SLC1A1: variants seen among roughly 807,000 people sequenced by gnomAD.
SLC1A1 encodes the protein solute carrier family 1 member 1.
SLC1A1 carries 43 observed loss-of-function variants against 53.3 expected under a neutral mutation model. The ratio of observed to expected loss-of-function variants is 0.81; its 90% CI spans 0.63 to 1.04. The LOEUF (loss-of-function observed/expected upper bound fraction) is 1.04, where lower values mean the gene tolerates loss of function less well. SLC1A1 is among the 50% of genes least tolerant of loss of function. SLC1A1 has a pLI of 0.00. For synonymous variants in SLC1A1, 307 were observed against 243.2 expected, an observed-to-expected ratio of 1.26 and a Z score of -2.44; for missense variants, 748 against 664.9, an observed-to-expected ratio of 1.12 and a Z score of -1.37.
chr9:4,516,690 G>A (rs1226404690), intron 1 of SLC1A1, among the ~76,000 whole-genome samples: 2 of 152,150 alleles, frequency 1.3e-5, no homozygotes, highest in East Asian at 3.8e-4. Context: ...AATCTAGGCT[G>A]GCTTTTACAC....
At chr9:4,577,909 G>A (rs1384699063) in intron 10 of SLC1A1, among the ~76,000 whole-genome samples, 1 of 152,200 alleles carries the variant, frequency 6.6e-6, no homozygotes, top group Non-Finnish European at 1.5e-5. Flanking sequence ...CACTGAGGTT[G>A]GAGAAGAGCT....
chr9:4,565,028 T>C (rs1262548252), intron 4 of SLC1A1, among the ~76,000 whole-genome samples: 1 of 152,218 alleles, frequency 6.6e-6, no homozygotes, highest in African/African-American at 2.4e-5. Context: ...AAATATATCA[T>C]CTGCAATTTC....
chr9:4,540,278 GT>G (rs1816895158), intron 1 of SLC1A1, among the ~76,000 whole-genome samples: 1 of 152,050 alleles, frequency 6.6e-6, no homozygotes, highest in Admixed American at 6.6e-5. Flanking sequence ...TGAAAGCCAT[GT>G]TCATCAGCAA....
intron 2 of SLC1A1, among the ~76,000 whole-genome samples, chr9:4,548,956 G>A (rs763870204): frequency 5.9e-5 from 9 of 152,182 alleles, no homozygotes; most frequent in Non-Finnish European, 8.8e-5. Context: ...CTTGTAAGCC[G>A]TATTTATGTC....
chr9:4,499,597 A>C (rs1359699559), intron 1 of SLC1A1, among the ~76,000 whole-genome samples: 1 of 152,176 alleles, frequency 6.6e-6, no homozygotes, highest in Non-Finnish European at 1.5e-5. Flanking sequence ...CAACAAAATG[A>C]TCTAAACACA....
At chr9:4,513,926 A>C (rs1455599552) in intron 1 of SLC1A1, among the ~76,000 whole-genome samples, 2 of 152,192 alleles carry the variant, frequency 1.3e-5, no homozygotes, top group Non-Finnish European at 2.9e-5. Flanking sequence ...TAGTCAGTGA[A>C]AAAACCAGTC....
intron 6 of SLC1A1, among the ~76,000 whole-genome samples, chr9:4,568,695 C>CA (rs57351478): frequency 0.01 from 1,074 of 102,698 alleles, 4 homozygotes; most frequent in Middle Eastern, 0.021. Flanking sequence ...ACTCTTGTTT[C>CA]AAAAAAAAAA....
intron 1 of SLC1A1, among the ~76,000 whole-genome samples, chr9:4,537,931 C>A (rs991815107): frequency 1.3e-5 from 2 of 149,676 alleles, no homozygotes; most frequent in Non-Finnish European, 3.0e-5. Context: ...AATTTGATCT[C>A]AAAAAAAATT....
chr9:4,574,435 C>T (rs928887821), intron 8 of SLC1A1, among the ~76,000 whole-genome samples: 10 of 152,114 alleles, frequency 6.6e-5, no homozygotes, highest in African/African-American at 2.4e-4. Context: ...CAGACTTGAG[C>T]AAGTAGGAGC....
intron 3 of SLC1A1, among the ~76,000 whole-genome samples, chr9:4,564,098 C>T (rs888461462): frequency 2.6e-5 from 4 of 152,042 alleles, no homozygotes; most frequent in African/African-American, 7.2e-5. Flanking sequence ...CACACATACA[C>T]ACACACACAG....
chr9:4,530,561 G>A (rs1397777308), intron 1 of SLC1A1, among the ~76,000 whole-genome samples: 1 of 152,136 alleles, frequency 6.6e-6, no homozygotes, highest in African/African-American at 2.4e-5. Context: ...CTTTTCTTCT[G>A]AGTCAGACCG....
intron 1 of SLC1A1, among the ~76,000 whole-genome samples, chr9:4,540,759 CG>C (rs1564018581): frequency 6.6e-6 from 1 of 152,192 alleles, no homozygotes; most frequent in African/African-American, 2.4e-5. Flanking sequence ...CCACCTGCAA[CG>C]GTGTCAGGGA....
chr9:4,579,802 A>G (rs1820887674), intron 10 of SLC1A1, among the ~76,000 whole-genome samples: 1 of 152,260 alleles, frequency 6.6e-6, no homozygotes, highest in South Asian at 2.1e-4. Context: ...TCAAAGAAAC[A>G]TAGGTACCAT....
chr9:4,524,548 C>A (rs1280433132), intron 1 of SLC1A1, among the ~76,000 whole-genome samples: 1 of 152,070 alleles, frequency 6.6e-6, no homozygotes, highest in Non-Finnish European at 1.5e-5. Context: ...AATAGAAGAC[C>A]TGAGACTGGG....
At chr9:4,572,973 C>A (rs761335905) in intron 7 of SLC1A1, among the ~76,000 whole-genome samples, 1 of 152,176 alleles carries the variant, frequency 6.6e-6, no homozygotes, top group African/African-American at 2.4e-5. Context: ...AACCAGCCTT[C>A]GTGTAAGAAG....
chr9:4,560,522 G>C (rs2129660175), intron 2 of SLC1A1, among the ~76,000 whole-genome samples: 1 of 152,266 alleles, frequency 6.6e-6, no homozygotes, highest in South Asian at 2.1e-4. Flanking sequence ...TGGTTGATGA[G>C]ATGATGTGAT....
At chr9:4,573,649 A>G (rs1434623115) in intron 7 of SLC1A1, among the ~76,000 whole-genome samples, 2 of 152,100 alleles carry the variant, frequency 1.3e-5, no homozygotes, top group Non-Finnish European at 2.9e-5. Flanking sequence ...ATCTAACCAC[A>G]TGTTCTTGCC....
chr9:4,572,431 T>C (rs370942183), intron 7 of SLC1A1, 43 bp downstream of exon 7: 33 of 1,513,078 alleles, frequency 2.2e-5, no homozygotes, highest in Non-Finnish European at 2.8e-5. Context: ...CCCCTGACAA[T>C]TCTGTCTCCT....
intron 6 of SLC1A1, among the ~76,000 whole-genome samples, chr9:4,571,545 C>T (rs1385117733): frequency 6.6e-6 from 1 of 152,034 alleles, no homozygotes; most frequent in Non-Finnish European, 1.5e-5. Flanking sequence ...GGTGTGGGGG[C>T]GGATGCCTGT....
Sources: allele counts gnomAD v4.1 joint callset (sites outside exome capture counted in the v4.1 genomes callset), GRCh38; gene constraint gnomAD v4.1.1; transcripts MANE v1.5; gene names NCBI Gene and HGNC (gene_info 2026-07-23, HGNC 2026-07-21).